Variants in CADPS2 observed in about 807,000 individuals in gnomAD.
CADPS2 encodes calcium-dependent secretion activator 2.
In CADPS2, 93 loss-of-function variants were observed where a neutral mutation model predicts 172.5. The observed-to-expected ratio is 0.54, with a 90% confidence interval of 0.46 to 0.64. CADPS2 has a LOEUF of 0.64. Among genes scored for constraint, CADPS2 ranks in the 30% least tolerant of loss-of-function variants. CADPS2 has a pLI of 0.00. For synonymous variants in CADPS2, 546 were observed against 555.2 expected (o/e 0.98, Z 0.23); for missense variants, 1,420 against 1,565.9 (o/e 0.91, Z 1.57).
At chr7:122,447,031 C>CTTTTTT (rs71530096) in intron 15 of CADPS2, among the ~76,000 whole-genome samples, 3 of 78,350 alleles carry the variant, frequency 3.8e-5, no homozygotes, top group Non-Finnish European at 7.1e-5. Context: ...GTAGCTCCCT[C>CTTTTTT]TTTTTTTTTT....
Position 122,862,456 on chromosome 7 carries a change from A to G in CADPS2, c.339+23543T>C, listed in dbSNP as rs575272222. Among the ~76,000 whole-genome samples the G allele has an allele frequency of 6.4e-4, 97 of 152,316 alleles. 1 individual carries two copies. Among genetic ancestry groups the G allele is most frequent in the African/African-American group, 2.3e-3 (96 of 41,576 alleles). On this transcript the variant is annotated intron_variant, in intron 1 of 29. Coordinates refer to ENST00000449022, the MANE Select transcript of CADPS2 (RefSeq NM_017954.11). ...CCCTCCTTGCCACAGAAGGTGGGACAGTGACCAGAGGCCTCACTAAAAACC... is the reference window on the plus strand; with the variant it reads ...CCCTCCTTGCCACAGAAGGTGGGACGGTGACCAGAGGCCTCACTAAAAACC...
intron 29 of CADPS2, among the ~76,000 whole-genome samples, chr7:122,323,171 C>A (rs1372254414): frequency 6.6e-6 from 1 of 152,108 alleles, no homozygotes; most frequent in Admixed American, 6.5e-5. Flanking sequence ...TATTAATTCA[C>A]TTTGAGTTTT....
intron 3 of CADPS2, among the ~76,000 whole-genome samples, chr7:122,639,480 C>G (rs187305172): frequency 2.0e-5 from 3 of 152,120 alleles, no homozygotes; most frequent in Non-Finnish European, 4.4e-5. Context: ...ACTTTGGCTA[C>G]GTAATCACCC....
In CADPS2 at chr7:122,659,544, A is replaced by G. The variant is rs184456360; in HGVS notation, c.786+3693T>C. Among the ~76,000 whole-genome samples the G allele has an allele frequency of 3.4e-3, 512 of 152,246 alleles. 1 individual carries two copies. The highest frequency in any genetic ancestry group is 6.0e-3 in the Non-Finnish European group (406 of 68,012). On this transcript the variant is annotated intron_variant, in intron 3 of 29. Coordinates refer to ENST00000449022, the MANE Select transcript of CADPS2 (RefSeq NM_017954.11). Reference sequence around the variant, plus strand: ...GACATAAACATATCTAGAATACCAGAAAAAGAATAAAGAGGGGATAGGACA... The same window carrying G: ...GACATAAACATATCTAGAATACCAGGAAAAGAATAAAGAGGGGATAGGACA...
rs556713193 is a variant in CADPS2, at chr7:122,358,266, C to A, written c.3504+2522G>T. Among the ~76,000 whole-genome samples, 5 of 152,214 alleles carry A rather than the reference C, an allele frequency of 3.3e-5. No homozygotes were observed. In the South Asian group the frequency reaches 8.3e-4, roughly 25 times the overall value. ...ATAAGCTTACTTGGTATCTGCATATCTTTCTTGTTGCAGTGCCTGTTTGGA... is the reference window on the plus strand; with the variant it reads ...ATAAGCTTACTTGGTATCTGCATATATTTCTTGTTGCAGTGCCTGTTTGGA... On this transcript the variant is annotated intron_variant, in intron 27 of 29. Transcript: ENST00000449022.
chr7:122,738,853 G>GGA lies in CADPS2; in HGVS notation c.340-1786_340-1785insTC, dbSNP rs549498565. Reference sequence around the variant, plus strand: ...AAGTGTCCTATTGTACCCAGGGGGGGAAAAAAAAAAAAAAAAAACTTTTGC... The same window carrying GGA: ...AAGTGTCCTATTGTACCCAGGGGGGGGAAAAAAAAAAAAAAAAAAACTTTTGC... On this transcript the variant is annotated intron_variant, in intron 1 of 29. Transcript: ENST00000449022. Among the ~76,000 whole-genome samples, 56 of 131,570 alleles carry GGA rather than the reference G, an allele frequency of 4.3e-4. 1 individual carries two copies. The highest frequency in any genetic ancestry group is 1.3e-3 in the African/African-American group (47 of 34,876). The allele number at this position is 131,570 out of a possible 152,430, so 86.3% of individuals were successfully genotyped here.
intron 2 of CADPS2, among the ~76,000 whole-genome samples, chr7:122,682,275 A>C (rs2083138708): frequency 1.3e-5 from 2 of 152,218 alleles, no homozygotes; most frequent in Non-Finnish European, 2.9e-5. Flanking sequence ...AAAAGGGAGC[A>C]ACGGAATGGC....
intron 1 of CADPS2, among the ~76,000 whole-genome samples, chr7:122,867,008 G>A (rs999609638): frequency 6.6e-6 from 1 of 151,930 alleles, no homozygotes; most frequent in African/African-American, 2.4e-5. Flanking sequence ...TCCACCACAG[G>A]ACTTTTTATT....
intron 1 of CADPS2, among the ~76,000 whole-genome samples, chr7:122,814,160 G>T (rs1223544100): frequency 6.6e-6 from 1 of 150,836 alleles, no homozygotes; most frequent in Non-Finnish European, 1.5e-5. Context: ...GTTCCTATAT[G>T]ATAACATGGT....
rs537853892 is a variant in CADPS2 at position 122,818,439 on chromosome 7, C to T, written c.339+67560G>A. Among the ~76,000 whole-genome samples, 584 of 152,218 alleles carry T rather than the reference C, an allele frequency of 3.8e-3. 3 individuals are homozygous for T. The highest frequency in any genetic ancestry group is 5.7e-3 in the Non-Finnish European group (390 of 68,006). Reference sequence around the variant, plus strand: ...CCTGACGTCCAGGCATTCTTTTACACGTCAGTCCCTTCCTAGTCTCTGTGC... The same window carrying T: ...CCTGACGTCCAGGCATTCTTTTACATGTCAGTCCCTTCCTAGTCTCTGTGC... On this transcript the variant is annotated intron_variant, in intron 1 of 29. Transcript: ENST00000449022.
chr7:122,786,347 A>G (rs372231180), intron 1 of CADPS2, among the ~76,000 whole-genome samples: 4 of 152,206 alleles, frequency 2.6e-5, no homozygotes, highest in African/African-American at 9.6e-5. Context: ...AGACACTGGG[A>G]TAAAGGACTG....
At chr7:122,409,260 G>A (rs900702761) in intron 19 of CADPS2, among the ~76,000 whole-genome samples, 10 of 152,164 alleles carry the variant, frequency 6.6e-5, no homozygotes, top group Non-Finnish European at 1.2e-4. Context: ...GAGTAGAGCA[G>A]CACAGAAAAA....
intron 15 of CADPS2, among the ~76,000 whole-genome samples, chr7:122,445,116 A>G (rs1049021662): frequency 6.6e-6 from 1 of 152,212 alleles, no homozygotes; most frequent in African/African-American, 2.4e-5. Flanking sequence ...TGATTACTGT[A>G]GCATTATAAA....
chr7:122,874,146 A>C (rs1820582818), intron 1 of CADPS2, among the ~76,000 whole-genome samples: 1 of 152,138 alleles, frequency 6.6e-6, no homozygotes, highest in Admixed American at 6.6e-5. Context: ...TTTGCTGTGC[A>C]GAAACTCTTT....
At chr7:122,701,820 T>G (rs752037797) in intron 2 of CADPS2, 1 of 1,519,744 alleles carries the variant, frequency 6.6e-7, no homozygotes. Flanking sequence ...CTTCAGAAAA[T>G]TCTCCAGATT....
At chr7:122,685,014 T>C (rs1011997214) in intron 2 of CADPS2, among the ~76,000 whole-genome samples, 13 of 152,342 alleles carry the variant, frequency 8.5e-5, no homozygotes, top group African/African-American at 2.6e-4. Context: ...AATAAATATT[T>C]GTTGAATAGA....
chr7:122,732,036 T>C (rs2091694581), intron 2 of CADPS2, among the ~76,000 whole-genome samples: 1 of 151,750 alleles, frequency 6.6e-6, no homozygotes, highest in Non-Finnish European at 1.5e-5. Flanking sequence ...TTCCTCAGTA[T>C]ATGCTTTTAT....
intron 19 of CADPS2, 30 bp from the exon 20 acceptor site, chr7:122,407,726 A>G (rs2046820198): frequency 1.0e-5 from 16 of 1,576,270 alleles, no homozygotes; most frequent in Non-Finnish European, 1.4e-5. Flanking sequence ...TAAAGGAGAA[A>G]AGTAGATTAC....
At chr7:122,480,501 T>C (rs2057159774) in intron 12 of CADPS2, among the ~76,000 whole-genome samples, 1 of 152,210 alleles carries the variant, frequency 6.6e-6, no homozygotes, top group Non-Finnish European at 1.5e-5. Context: ...ATTCTACCTA[T>C]ATTTTGCTTC....
Sources: allele counts gnomAD v4.1 joint callset (sites outside exome capture counted in the v4.1 genomes callset), GRCh38; gene constraint gnomAD v4.1.1; transcripts MANE v1.5; gene names NCBI Gene and HGNC (gene_info 2026-07-23, HGNC 2026-07-21).